The following PIEZO2 variants were observed in gnomAD, a reference collection of about 807,000 sequenced individuals.
PIEZO2 encodes piezo type mechanosensitive ion channel component 2.
A neutral mutation model predicts 337.3 loss-of-function variants in PIEZO2; 172 were observed. That is an observed-to-expected ratio of 0.51 (90% CI 0.45 to 0.58). The LOEUF is 0.58. PIEZO2 is among the 20% of genes least tolerant of loss of function. The probability of loss-of-function intolerance (pLI) is 0.00; values close to 1 mark genes in which losing one functional copy is unlikely to be tolerated. For synonymous variants in PIEZO2, 1,251 were observed against 1,228.5 expected, an observed-to-expected ratio of 1.02 and a Z score of -0.38; for missense variants, 3,028 against 3,391.3, an observed-to-expected ratio of 0.89 and a Z score of 2.66.
chr18:10,873,791 A>G (rs944115135), intron 4 of PIEZO2, among the ~76,000 whole-genome samples: 2 of 152,172 alleles, frequency 1.3e-5, no homozygotes, highest in African/African-American at 2.4e-5. Flanking sequence ...GCCTGAAACT[A>G]TGACACTACT....
intron 2 of PIEZO2, among the ~76,000 whole-genome samples, chr18:11,014,208 A>G (rs1199043380): frequency 6.6e-6 from 1 of 151,738 alleles, no homozygotes; most frequent in East Asian, 1.9e-4. Context: ...TGGGACAGCG[A>G]TCTAGGGCCC....
At chr18:10,956,891 C>T (rs571831284) in intron 3 of PIEZO2, among the ~76,000 whole-genome samples, 2 of 151,246 alleles carry the variant, frequency 1.3e-5, no homozygotes, top group African/African-American at 4.9e-5. Flanking sequence ...ATCACTTGAA[C>T]CCAGGAGGCG....
chr18:10,963,118 C>T (rs2033854529), intron 3 of PIEZO2, among the ~76,000 whole-genome samples: 1 of 151,970 alleles, frequency 6.6e-6, no homozygotes, highest in East Asian at 1.9e-4. Context: ...AACCTTGTCT[C>T]TACTAAAAAT....
chr18:10,685,093 T>C (rs988551714), intron 49 of PIEZO2, among the ~76,000 whole-genome samples: 1 of 152,190 alleles, frequency 6.6e-6, no homozygotes, highest in Non-Finnish European at 1.5e-5. Context: ...CTGCACTGTG[T>C]GTGCTCGGAC....
intron 4 of PIEZO2, among the ~76,000 whole-genome samples, chr18:10,887,909 G>A (rs565962279): frequency 1.8e-4 from 28 of 152,252 alleles, no homozygotes; most frequent in Middle Eastern, 3.4e-3. Context: ...TCATCCCACC[G>A]TGATCACCTA....
chr18:10,935,716 A>C (rs1317604663), intron 3 of PIEZO2, among the ~76,000 whole-genome samples: 2 of 152,058 alleles, frequency 1.3e-5, no homozygotes, highest in East Asian at 3.9e-4. Context: ...AAGTGCCAGA[A>C]CTCTTAATTC....
intron 49 of PIEZO2, among the ~76,000 whole-genome samples, chr18:10,688,232 C>T (rs963928095): frequency 8.5e-5 from 13 of 152,180 alleles, no homozygotes; most frequent in Admixed American, 2.0e-4. Context: ...GTTCGGCTCC[C>T]GCTTATGAGT....
At chr18:11,121,301 T>C (rs1041048123) in intron 1 of PIEZO2, among the ~76,000 whole-genome samples, 4 of 152,094 alleles carry the variant, frequency 2.6e-5, no homozygotes, top group Non-Finnish European at 5.9e-5. Context: ...ATGCCTGTAA[T>C]CCCAGTACTT....
At chr18:10,873,950 A>G (rs1188797495) in intron 4 of PIEZO2, among the ~76,000 whole-genome samples, 1 of 152,178 alleles carries the variant, frequency 6.6e-6, no homozygotes, top group African/African-American at 2.4e-5. Context: ...ACAGGCAACA[A>G]AAGCAAAAGT....
intron 2 of PIEZO2, among the ~76,000 whole-genome samples, chr18:11,023,835 C>T (rs1350180220): frequency 6.6e-6 from 1 of 152,228 alleles, no homozygotes; most frequent in African/African-American, 2.4e-5. Context: ...AGCGCAGCGC[C>T]GGTGGGCCGG....
At chr18:11,062,012 T>C (rs1278125717) in intron 2 of PIEZO2, among the ~76,000 whole-genome samples, 4 of 152,140 alleles carry the variant, frequency 2.6e-5, no homozygotes, top group African/African-American at 9.7e-5. Context: ...CGAACTATAC[T>C]ACAAGGCTAC....
At position 10,854,582 on chromosome 18, in the gene PIEZO2, T is replaced by A. The variant is rs1263228217; in HGVS notation, c.917+771A>T. ...ATTAAAAGTCAAAGTAAATGCTAGA[T>A]TCTTTACCTTTAATTCTCATTTTCA... On this transcript the variant is annotated intron_variant, in intron 7 of 55. Coordinates refer to ENST00000674853, the MANE Select transcript of PIEZO2 (RefSeq NM_001378183.1). This position sits in a 1 kb window ranked among gnomAD's most constrained non-coding sequence, Gnocchi z 4.6. 1.3e-5 allele frequency among the ~76,000 whole-genome samples: 2 copies of A among 152,236 alleles called. No homozygotes were observed. The highest frequency in any genetic ancestry group is 2.9e-5 in the Non-Finnish European group (2 of 68,038).
At chr18:10,725,141 C>T in intron 36 of PIEZO2, 2 of 1,461,448 alleles carry the variant, frequency 1.4e-6, no homozygotes, top group African/African-American at 1.4e-5. Flanking sequence ...ATGCCTATGG[C>T]TGTGCTGAAG....
chr18:10,755,011 AGGTG>A, intron 27 of PIEZO2, among the ~76,000 whole-genome samples: 1 of 152,328 alleles, frequency 6.6e-6, no homozygotes, highest in East Asian at 1.9e-4. Context: ...AGGGAGTAGC[AGGTG>A]GCTGACAGCT....
chr18:11,057,240 C>T (rs2037763488), intron 2 of PIEZO2, among the ~76,000 whole-genome samples: 2 of 152,176 alleles, frequency 1.3e-5, no homozygotes, highest in African/African-American at 2.4e-5. Context: ...GTTGCTTCAA[C>T]ATTCCTTTTG....
intron 9 of PIEZO2, among the ~76,000 whole-genome samples, chr18:10,802,461 G>C (rs543939958): frequency 9.9e-5 from 15 of 152,270 alleles, no homozygotes; most frequent in African/African-American, 3.6e-4. Flanking sequence ...CCCATTGTGT[G>C]TTAGTATAAA....
In PIEZO2 at chr18:10,748,039, G is replaced by A. The variant is rs542854603; in HGVS notation, c.4424+432C>T. ...GGGCAAAAACTGGAAGAAGAATGGAGCCTAGGGGAAAAAACAGGTAGTAAT... is the reference window on the plus strand; with the variant it reads ...GGGCAAAAACTGGAAGAAGAATGGAACCTAGGGGAAAAAACAGGTAGTAAT... On this transcript the variant is annotated intron_variant, in intron 30 of 55. Coordinates refer to ENST00000674853, the MANE Select transcript of PIEZO2 (RefSeq NM_001378183.1). The surrounding 1 kb of genome is among the most constrained non-coding windows in gnomAD (Gnocchi z 5.1). Among the ~76,000 whole-genome samples, 8 of 152,176 alleles carry A rather than the reference G, an allele frequency of 5.3e-5. No homozygotes were observed. The highest frequency in any genetic ancestry group is 2.6e-4 in the Admixed American group (4 of 15,292).
chr18:10,768,527 T>C (rs574698771), intron 21 of PIEZO2, among the ~76,000 whole-genome samples: 1 of 152,264 alleles, frequency 6.6e-6, no homozygotes, highest in South Asian at 2.1e-4. Flanking sequence ...GCTGAAACAA[T>C]TTTACAGCAA....
At chr18:10,835,547 C>CT (rs58831248) in intron 7 of PIEZO2, among the ~76,000 whole-genome samples, 6,101 of 146,314 alleles carry the variant, frequency 0.042, 315 homozygotes, top group African/African-American at 0.12. Context: ...TAACCAAGTT[C>CT]TTTTTTTTTT....
Sources: allele counts gnomAD v4.1 joint callset (sites outside exome capture counted in the v4.1 genomes callset), GRCh38; gene constraint gnomAD v4.1.1; non-coding constraint Gnocchi (gnomAD v3.1); transcripts MANE v1.5; gene names NCBI Gene and HGNC (gene_info 2026-07-23, HGNC 2026-07-21).